The following EPB41L2 variants were observed in gnomAD, a reference collection of about 807,000 sequenced individuals.
EPB41L2 encodes the protein erythrocyte membrane protein band 4.1 like 2.
Under a neutral mutation model 113.0 loss-of-function variants are expected in EPB41L2, and 43 were observed. That is an observed-to-expected ratio of 0.38 (90% CI 0.30 to 0.49). EPB41L2 has a LOEUF of 0.49. Among genes scored for constraint, EPB41L2 ranks in the 20% least tolerant of loss-of-function variants. The pLI is 0.95. For missense variants in EPB41L2, 1,147 were observed against 1,223.4 expected (o/e 0.94, Z 0.93); for synonymous variants, 442 against 436.7 (o/e 1.01, Z -0.15).
intron 1 of EPB41L2, among the ~76,000 whole-genome samples, chr6:131,049,235 AAC>A (rs932253865): frequency 5.9e-4 from 90 of 152,320 alleles, no homozygotes; most frequent in African/African-American, 2.1e-3. Context: ...TATAATTTAA[AAC>A]AGACAATCTT....
intron 1 of EPB41L2, among the ~76,000 whole-genome samples, chr6:130,983,046 A>G (rs1779736849): frequency 6.6e-6 from 1 of 152,210 alleles, no homozygotes; most frequent in Non-Finnish European, 1.5e-5. Context: ...TACAAAAAGC[A>G]GCCTTTAGGT....
At chr6:130,938,055 T>A (rs1809494601) in intron 3 of EPB41L2, among the ~76,000 whole-genome samples, 1 of 152,320 alleles carries the variant, frequency 6.6e-6, no homozygotes, top group Non-Finnish European at 1.5e-5. Context: ...CAAGTTACAA[T>A]GCAGAATAAT....
chr6:131,046,330 G>C (rs763579344), intron 1 of EPB41L2, among the ~76,000 whole-genome samples: 3 of 152,052 alleles, frequency 2.0e-5, no homozygotes, highest in Non-Finnish European at 2.9e-5. Flanking sequence ...AACCACCTAA[G>C]AGAAAACAGA....
Position 130,972,389 on chromosome 6 carries a change from A to G in EPB41L2, c.-14-15890T>C, listed in dbSNP as rs1334767841. On this transcript the variant is annotated intron_variant, in intron 1 of 19. Transcript: ENST00000337057. Reference sequence around the variant, plus strand: ...TAAGATAATACTACATCCACCTATCATATGACTCTAAAGAAATATGGAAGC... The same window carrying G: ...TAAGATAATACTACATCCACCTATCGTATGACTCTAAAGAAATATGGAAGC... 2.0e-5 allele frequency among the ~76,000 whole-genome samples: 3 copies of G among 151,852 alleles called. No individual in the cohort carries two copies. The East Asian group carries it at 5.8e-4, about 29-fold the overall frequency.
At chr6:130,867,801 C>T (rs757798253) in intron 15 of EPB41L2, 50 of 499,024 alleles carry the variant, frequency 1.0e-4, no homozygotes, top group South Asian at 1.9e-4. Flanking sequence ...CACATAGATA[C>T]GTACATATAT....
In EPB41L2 at chr6:131,004,277, G is replaced by A. The variant is rs140902828; in HGVS notation, c.-14-47778C>T. ...GTGGGCACAGTGGGGGAGTAAGACC[G>A]ACAGGGAATGACAAAAGTGAACCTG... On this transcript the variant is annotated intron_variant, in intron 1 of 19. Transcript: ENST00000337057. 8.5e-5 allele frequency among the ~76,000 whole-genome samples: 13 copies of A among 152,208 alleles called. 1 individual carries two copies. Among genetic ancestry groups the A allele is most frequent in the African/African-American group, 2.4e-4 (10 of 41,534 alleles).
chr6:130,872,134 A>G lies in EPB41L2; in HGVS notation c.2044-2008T>C, dbSNP rs542331348. On this transcript the variant is annotated intron_variant, in intron 14 of 19. Coordinates refer to ENST00000337057, the MANE Select transcript of EPB41L2 (RefSeq NM_001431.4). ...CAGACTCTGGAACTTAATGATTTAA[A>G]TTATTCTCTGAATTTAGGCAGATTT... 1.1e-4 allele frequency among the ~76,000 whole-genome samples: 16 copies of G among 152,304 alleles called. 1 individual carries two copies. The highest frequency in any genetic ancestry group is 3.8e-4 in the African/African-American group (16 of 41,572).
At chr6:131,047,074 T>G (rs781032402) in intron 1 of EPB41L2, among the ~76,000 whole-genome samples, 8 of 152,194 alleles carry the variant, frequency 5.3e-5, no homozygotes, top group Non-Finnish European at 1.2e-4. Flanking sequence ...CCTGAGCAAG[T>G]TACTTCAAAC....
chr6:131,054,790 CT>C (rs1443160583), intron 1 of EPB41L2, among the ~76,000 whole-genome samples: 9 of 152,256 alleles, frequency 5.9e-5, no homozygotes, highest in Admixed American at 1.3e-4. Context: ...GAGCTCCCTG[CT>C]TCTAGTGAGC....
chr6:131,039,545 G>A (rs2128181805), intron 1 of EPB41L2, among the ~76,000 whole-genome samples: 1 of 152,294 alleles, frequency 6.6e-6, no homozygotes, highest in East Asian at 1.9e-4. Context: ...TAGGGCCTCA[G>A]TATCAAGGTT....
chr6:130,992,782 C>T (rs1375340684), intron 1 of EPB41L2, among the ~76,000 whole-genome samples: 7 of 151,744 alleles, frequency 4.6e-5, no homozygotes, highest in Admixed American at 2.0e-4. Context: ...AGGGCCACCA[C>T]GCCCAGCTAA....
chr6:130,865,825 G>A, intron 16 of EPB41L2, 191 bp from the exon 17 acceptor site: 2 of 558,894 alleles, frequency 3.6e-6, no homozygotes, highest in East Asian at 3.0e-5. Context: ...TGCACATGGA[G>A]AAGCAAACTC....
intron 14 of EPB41L2, among the ~76,000 whole-genome samples, chr6:130,875,446 T>TC (rs1010804089): frequency 2.0e-5 from 3 of 152,160 alleles, no homozygotes; most frequent in African/African-American, 7.2e-5. Flanking sequence ...CTTTGAATTT[T>TC]CCTTCCTTCG....
At chr6:130,860,057 G>A (rs1262527128) in intron 18 of EPB41L2, among the ~76,000 whole-genome samples, 2 of 152,152 alleles carry the variant, frequency 1.3e-5, no homozygotes, top group African/African-American at 4.8e-5. Context: ...AAAGGGAGAG[G>A]AGGCACAGGG....
At chr6:131,054,844 G>A (rs1438449975) in intron 1 of EPB41L2, among the ~76,000 whole-genome samples, 1 of 152,218 alleles carries the variant, frequency 6.6e-6, no homozygotes, top group African/African-American at 2.4e-5. Context: ...TATTTATTGG[G>A]TAACAAGAGC....
At position 130,879,502 on chromosome 6, in the gene EPB41L2, G is replaced by C. The variant is rs535592250; in HGVS notation, c.1896+642C>G. Among the ~76,000 whole-genome samples the C allele has an allele frequency of 1.2e-3, 187 of 151,828 alleles. 1 individual carries two copies. The highest frequency in any genetic ancestry group is 2.2e-3 in the Non-Finnish European group (152 of 67,938). ...GCCACATACTACTGTAAAATAAGAA[G>C]GGAAAAAAAAATGTTCTCACGTGAC... On this transcript the variant is annotated intron_variant, in intron 13 of 19. Coordinates refer to ENST00000337057, the MANE Select transcript of EPB41L2 (RefSeq NM_001431.4).
chr6:130,871,477 A>G (rs1785651826), intron 14 of EPB41L2, among the ~76,000 whole-genome samples: 1 of 152,174 alleles, frequency 6.6e-6, no homozygotes, highest in African/African-American at 2.4e-5. Flanking sequence ...ACTGGACTGG[A>G]GCCTCTAATA....
At chr6:130,906,349 C>T (rs1034015536) in intron 5 of EPB41L2, among the ~76,000 whole-genome samples, 44 of 54,324 alleles carry the variant, frequency 8.1e-4, no homozygotes, top group Non-Finnish European at 1.1e-3. Flanking sequence ...AAATGGTATA[C>T]ATTTTGGTAC....
chr6:130,870,923 C>T (rs192870292), intron 14 of EPB41L2, among the ~76,000 whole-genome samples: 17 of 151,890 alleles, frequency 1.1e-4, no homozygotes, highest in African/African-American at 2.2e-4. Context: ...CTTTCCAATT[C>T]GTATCATAGG....
Sources: gnomAD v4.1 joint callset for allele counts (sites outside exome capture counted in the v4.1 genomes callset) on GRCh38, gnomAD v4.1.1 for gene constraint, MANE v1.5 for transcripts, NCBI Gene and HGNC (gene_info 2026-07-23, HGNC 2026-07-21) for gene names.